Variants in MYOF observed in about 807,000 individuals in gnomAD.
MYOF encodes fer-1-like 3, myoferlin.
MYOF carries 244 observed loss-of-function variants against 284.2 expected under a neutral mutation model. The ratio of observed to expected loss-of-function variants is 0.86; its 90% confidence interval spans 0.77 to 0.95. The LOEUF is 0.95. MYOF is among the 40% of genes least tolerant of loss of function. The pLI is 0.00. For synonymous variants in MYOF, 904 were observed against 919.7 expected (o/e 0.98, Z 0.31); for missense variants, 2,496 against 2,560.6 (o/e 0.97, Z 0.54).
At chr10:93,355,091 A>G in intron 31 of MYOF, among the ~76,000 whole-genome samples, 1 of 152,256 alleles carries the variant, frequency 6.6e-6, no homozygotes, top group East Asian at 1.9e-4. Flanking sequence ...GAATGAGCAC[A>G]TATGAGATAG....
rs1282529853 is a variant in MYOF at position 93,409,518 on chromosome 10, G to A, written c.600+55C>T. 2.5e-6 allele frequency: 4 copies of A among 1,576,240 alleles called. No individual in the cohort carries two copies. In the African/African-American group the frequency reaches 4.1e-5, roughly 16 times the overall value. The stretch of plus-strand genomic sequence containing the variant: ...CACTGAAACATCACTGCAATTGCCA[G>A]AAGATGGGCAATATAAAGATTAAAC... On this transcript the variant is annotated intron_variant, in intron 6 of 53. Coordinates refer to ENST00000359263, the MANE Select transcript of MYOF (RefSeq NM_013451.4).
chr10:93,341,125 T>C (rs918752107), intron 38 of MYOF, among the ~76,000 whole-genome samples: 2 of 152,120 alleles, frequency 1.3e-5, no homozygotes, highest in African/African-American at 4.8e-5. Context: ...AGATTAAGGG[T>C]TAAATCATCA....
Position 93,401,306 on chromosome 10 carries a change from T to C in MYOF, c.1117+112A>G, listed in dbSNP as rs1018837668. On this transcript the variant is annotated intron_variant, in intron 12 of 53. Transcript: ENST00000359263. ...ATGAAAATAAGCCCATGAAGCCCTT[T>C]CAGAAGAAAAACATACGATAGGGAC... 9.0e-6 allele frequency: 13 copies of C among 1,449,192 alleles called. No individual in the cohort carries two copies. The African/African-American group carries it at 9.9e-5, about 11-fold the overall frequency. The allele number at this position is 1,449,192 out of a possible 1,614,324, so 89.8% of individuals were successfully genotyped here.
At chr10:93,410,323 G>A (rs764269680) in intron 5 of MYOF, among the ~76,000 whole-genome samples, 60 of 152,008 alleles carry the variant, frequency 3.9e-4, no homozygotes, top group African/African-American at 1.4e-3. Flanking sequence ...TAACACACAC[G>A]TGTCCCCTCC....
At chr10:93,312,813 A>C (rs1842450223) in intron 51 of MYOF, among the ~76,000 whole-genome samples, 1 of 152,140 alleles carries the variant, frequency 6.6e-6, no homozygotes, top group Admixed American at 6.5e-5. Flanking sequence ...ACCTTCCTCC[A>C]ACTCCAAACA....
At chr10:93,463,824 C>T in intron 1 of MYOF, among the ~76,000 whole-genome samples, 1 of 149,456 alleles carries the variant, frequency 6.7e-6, no homozygotes, top group African/African-American at 2.5e-5. Flanking sequence ...GTGGCCACAC[C>T]CCTGCACTTC....
intron 1 of MYOF, among the ~76,000 whole-genome samples, chr10:93,463,398 T>A (rs1299673763): frequency 2.8e-5 from 4 of 142,220 alleles, no homozygotes; most frequent in Non-Finnish European, 4.6e-5. Flanking sequence ...CTACAAATTT[T>A]TTTTTTTTTT....
Position 93,396,125 on chromosome 10 carries a change from T to C in MYOF, c.1417+17A>G. On this transcript the variant is annotated intron_variant, in intron 16 of 53. Transcript: ENST00000359263. ...GTTCTGTATCCAGTCTTGTTCTAGA[T>C]CTGTTGAGTGACTTACCTTCCACTT... 6.3e-7 allele frequency: 1 copy of C among 1,586,854 alleles called. No homozygotes were observed. The highest frequency in any genetic ancestry group is 8.6e-7 in the Non-Finnish European group (1 of 1,159,140).
At chr10:93,406,288 T>TTATTTATATATATATATA (rs1554855590) in intron 7 of MYOF, among the ~76,000 whole-genome samples, 1 of 58,144 alleles carries the variant, frequency 1.7e-5, no homozygotes, top group South Asian at 1.0e-3. Flanking sequence ...TAAACCTCTT[T>TTATTTATATATATATATA]TATATATATA....
intron 9 of MYOF, 86 bp downstream of exon 9, chr10:93,403,937 C>T: frequency 1.4e-6 from 2 of 1,436,158 alleles, no homozygotes; most frequent in Admixed American, 1.7e-5. Context: ...CAAGATGCCA[C>T]CAAGATGCGT....
At chr10:93,324,672 A>C (rs918539598) in intron 46 of MYOF, 20 of 152,232 alleles carry the variant, frequency 1.3e-4, no homozygotes, top group African/African-American at 4.8e-4. Context: ...AGCAAGAAGG[A>C]AGTGACAAAA....
In MYOF at chr10:93,353,806, T is replaced by G. The variant is rs1020305754; in HGVS notation, c.3481+5A>C. ...TGTGTAGCATGTAGATTTTTTTTCC[T>G]TTACCTGAAAAGCTATCCTTATCTA... On this transcript the variant is annotated splice_donor_5th_base_variant and intron_variant, in intron 32 of 53. Coordinates refer to ENST00000359263, the MANE Select transcript of MYOF (RefSeq NM_013451.4). The G allele has an allele frequency of 6.2e-7, 1 of 1,603,702 alleles. No homozygotes were observed. The highest frequency in any genetic ancestry group is 1.3e-5 in the African/African-American group (1 of 74,442).
At chr10:93,391,481 G>T (rs1005021028) in intron 17 of MYOF, among the ~76,000 whole-genome samples, 5 of 152,080 alleles carry the variant, frequency 3.3e-5, no homozygotes, top group Admixed American at 6.5e-5. Context: ...TGTAATTCCA[G>T]CTACTAGGGA....
intron 7 of MYOF, among the ~76,000 whole-genome samples, chr10:93,404,798 C>T (rs1434431218): frequency 6.6e-6 from 1 of 152,142 alleles, no homozygotes; most frequent in Non-Finnish European, 1.5e-5. Flanking sequence ...TAATTTTACT[C>T]CAAGAAAGCA....
chr10:93,382,379 C>G (rs1273376062), intron 19 of MYOF, among the ~76,000 whole-genome samples: 3 of 152,020 alleles, frequency 2.0e-5, no homozygotes, highest in Non-Finnish European at 4.4e-5. Flanking sequence ...ACTACAGGTG[C>G]GTGCCACTGC....
intron 43 of MYOF, among the ~76,000 whole-genome samples, chr10:93,332,459 A>AT (rs1303343975): frequency 6.6e-6 from 1 of 151,440 alleles, no homozygotes; most frequent in Non-Finnish European, 1.5e-5. Context: ...TGACTTTGTG[A>AT]TCCACCAACC....
chr10:93,374,997 T>C (rs1340866059), intron 22 of MYOF, 42 bp from the exon 23 acceptor site: 2 of 1,573,004 alleles, frequency 1.3e-6, no homozygotes, highest in African/African-American at 2.7e-5. Context: ...ATTTGAAGAA[T>C]AACCTAATTT....
At chr10:93,331,686 G>C (rs1312658424) in intron 43 of MYOF, among the ~76,000 whole-genome samples, 3 of 144,070 alleles carry the variant, frequency 2.1e-5, no homozygotes, top group African/African-American at 7.5e-5. Context: ...GGCCTTGGGT[G>C]TGCAGCATGC....
At chr10:93,333,465 C>G (rs2133815736) in intron 42 of MYOF, among the ~76,000 whole-genome samples, 153 bp from the exon 43 acceptor site, 1 of 150,212 alleles carries the variant, frequency 6.7e-6, no homozygotes, top group East Asian at 2.0e-4. Context: ...GAGCAATGCT[C>G]TCCTTTGGGT....
Sources: gnomAD v4.1 joint callset for allele counts (sites outside exome capture counted in the v4.1 genomes callset) on GRCh38, gnomAD v4.1.1 for gene constraint, MANE v1.5 for transcripts, NCBI Gene and HGNC (gene_info 2026-07-23, HGNC 2026-07-21) for gene names.